Variants in ZNF775 observed in about 807,000 individuals in gnomAD.
ZNF775 encodes the protein zinc finger protein 775.
In ZNF775, 1 loss-of-function variant was observed where a neutral mutation model predicts 2.4. The observed-to-expected ratio is 0.41, with a 90% CI of 0.15 to 1.94. ZNF775 has a LOEUF of 1.94. ZNF775 is among the 30% of genes most tolerant of loss of function. ZNF775 has a pLI of 0.30. For synonymous variants in ZNF775, 381 were observed against 373.3 expected (o/e 1.02, Z -0.24); for missense variants, 823 against 826.6 (o/e 1.00, Z 0.05).
At chr7:150,390,528 G>T (rs1303460097) in intron 2 of ZNF775, among the ~76,000 whole-genome samples, 3 of 152,128 alleles carry the variant, frequency 2.0e-5, no homozygotes, top group African/African-American at 4.8e-5. Flanking sequence ...GAGACATATG[G>T]TTTAATTTTT....
intron 1 of ZNF775, among the ~76,000 whole-genome samples, chr7:150,385,391 TC>T (rs781427256): frequency 6.6e-6 from 1 of 151,742 alleles, no homozygotes; most frequent in Admixed American, 6.6e-5. Context: ...CCATGGACAA[TC>T]CCCCGAGCAA....
intron 2 of ZNF775, among the ~76,000 whole-genome samples, chr7:150,395,989 G>C (rs990197526): frequency 7.9e-5 from 12 of 152,048 alleles, no homozygotes; most frequent in Non-Finnish European, 1.6e-4. Context: ...CAGTGACCCA[G>C]GGGTTGGTCT....
intron 1 of ZNF775, among the ~76,000 whole-genome samples, 151 bp downstream of exon 1, chr7:150,379,543 G>A (rs1295742221): frequency 2.0e-5 from 3 of 151,308 alleles, no homozygotes; most frequent in African/African-American, 7.4e-5. Flanking sequence ...GGGGGCCTGG[G>A]GTGCCCCGAG....
chr7:150,397,288 C>T lies in ZNF775; in HGVS notation c.807C>T (p.Val269=). The change falls in exon 3 of 3, where the codon GTC becomes GTT. Residue 269 remains valine (V), a synonymous_variant. Transcript: ENST00000329630. ...GCCAGCCCGGGGCCCGGGCCGCGGTCTCCGGCCCCGAGGGGCCGGGCGAGC... is the reference window on the plus strand; with the variant it reads ...GCCAGCCCGGGGCCCGGGCCGCGGTTTCCGGCCCCGAGGGGCCGGGCGAGC... ...WWGQPGARAA[V]SGPEGPGEPR... is the part of the protein sequence containing the mutation. 1.3e-6 allele frequency: 2 copies of T among 1,532,194 alleles called. No homozygotes were observed. Among genetic ancestry groups the T allele is most frequent in the Non-Finnish European group, 1.7e-6 (2 of 1,144,304 alleles). The allele number at this position is 1,532,194 out of a possible 1,614,324, so 94.9% of individuals were successfully genotyped here.
At position 150,396,671 on chromosome 7, in the gene ZNF775, G is replaced by A; in HGVS notation, c.190G>A (p.Gly64Arg). 1 of 1,609,912 alleles carries A rather than the reference G, an allele frequency of 6.2e-7. No individual in the cohort carries two copies. Among genetic ancestry groups the A allele is most frequent in the Non-Finnish European group, 8.5e-7 (1 of 1,178,930 alleles). Residue 64 changes from glycine (G) to arginine (R), a missense_variant, in exon 3 of 3, where the codon GGG (glycine) becomes AGG (arginine). Transcript: ENST00000329630. ...RQTMGRPRAL[G>R]GQEESGSPRW... Reference sequence around the variant, plus strand: ...GACCATGGGGCGGCCTCGAGCCCTGGGGGGACAGGAGGAGTCTGGGAGTCC... The same window carrying A: ...GACCATGGGGCGGCCTCGAGCCCTGAGGGGACAGGAGGAGTCTGGGAGTCC...
intron 2 of ZNF775, among the ~76,000 whole-genome samples, chr7:150,390,064 G>T (rs563868128): frequency 6.6e-6 from 1 of 152,202 alleles, no homozygotes; most frequent in South Asian, 2.1e-4. Flanking sequence ...TACTCATGGA[G>T]CAATAATCTG....
chr7:150,383,564 A>T (rs986831760), intron 1 of ZNF775, among the ~76,000 whole-genome samples: 1 of 152,150 alleles, frequency 6.6e-6, no homozygotes. Flanking sequence ...AAGGGGCAGC[A>T]TGGCAGGGAG....
intron 2 of ZNF775, among the ~76,000 whole-genome samples, chr7:150,391,604 A>G (rs1487130493): frequency 6.6e-6 from 1 of 152,054 alleles, no homozygotes; most frequent in Non-Finnish European, 1.5e-5. Context: ...GTGCTCAGTA[A>G]CCACATGTGT....
Position 150,396,999 on chromosome 7 carries a change from G to C in ZNF775, c.518G>C (p.Ser173Thr), listed in dbSNP as rs1398464660. 1 of 1,598,990 alleles carries C rather than the reference G, an allele frequency of 6.3e-7. No homozygotes were observed. The highest frequency in any genetic ancestry group is 8.5e-7 in the Non-Finnish European group (1 of 1,178,906). ...TGCCCCGAGTGCGCGCGGCGCTTCAGCCAGAAGCAGCACCTGCTCAAGCAC... is the reference window on the plus strand; with the variant it reads ...TGCCCCGAGTGCGCGCGGCGCTTCACCCAGAAGCAGCACCTGCTCAAGCAC... ...FCCPECARRF[S>T]QKQHLLKHQK... The change falls in exon 3 of 3, where the codon AGC becomes ACC. Residue 173 changes from serine (S) to threonine (T), a missense_variant. Transcript: ENST00000329630.
Position 150,382,226 on chromosome 7 carries a change from A to G in ZNF775, c.-50+2834A>G, listed in dbSNP as rs1182320654. Among the ~76,000 whole-genome samples the G allele has an allele frequency of 1.3e-5, 2 of 152,078 alleles. No individual in the cohort carries two copies. The highest frequency in any genetic ancestry group is 2.9e-5 in the Non-Finnish European group (2 of 67,984). On this transcript the variant is annotated intron_variant, in intron 1 of 2. Transcript: ENST00000329630. The surrounding 1 kb of genome is among the most constrained non-coding windows in gnomAD (Gnocchi z 4.6). ...GATTCCCAACTGGCTGGAAGGAGTG[A>G]TGGCTTAGGAGGAGTGAGTGGCAGC...
chr7:150,390,367 C>T (rs1800542071), intron 2 of ZNF775, among the ~76,000 whole-genome samples: 2 of 152,148 alleles, frequency 1.3e-5, no homozygotes, highest in African/African-American at 4.8e-5. Context: ...ACAGCACTGT[C>T]CTGGCATCCT....
chr7:150,393,829 C>T (rs750729775), intron 2 of ZNF775, among the ~76,000 whole-genome samples: 2 of 152,104 alleles, frequency 1.3e-5, no homozygotes, highest in Non-Finnish European at 2.9e-5. Context: ...CCATCACACC[C>T]AGCTAATTTT....
At position 150,396,675 on chromosome 7, in the gene ZNF775, G is replaced by A. The variant is rs1800661318; in HGVS notation, c.194G>A (p.Gly65Glu). ...ATGGGGCGGCCTCGAGCCCTGGGGGGACAGGAGGAGTCTGGGAGTCCAAGG... is the reference window on the plus strand; with the variant it reads ...ATGGGGCGGCCTCGAGCCCTGGGGGAACAGGAGGAGTCTGGGAGTCCAAGG... ...QTMGRPRALG[G>E]QEESGSPRWA... The change falls in exon 3 of 3, where the codon GGA becomes GAA. Residue 65 changes from glycine to glutamate, a missense_variant. Coordinates refer to ENST00000329630, the MANE Select transcript of ZNF775 (RefSeq NM_173680.4). The A allele has an allele frequency of 1.9e-6, 3 of 1,609,284 alleles. No homozygotes were observed. Among genetic ancestry groups the A allele is most frequent in the East Asian group, 4.5e-5 (2 of 44,762 alleles).
intron 1 of ZNF775, among the ~76,000 whole-genome samples, chr7:150,387,732 C>A (rs747047950): frequency 9.9e-5 from 15 of 152,002 alleles, no homozygotes; most frequent in African/African-American, 3.4e-4. Context: ...ATGGCGTGAA[C>A]CTGGGAGGCG....
At position 150,382,037 on chromosome 7, in the gene ZNF775, G is replaced by A. The variant is rs143810616; in HGVS notation, c.-50+2645G>A. Among the ~76,000 whole-genome samples the A allele has an allele frequency of 1.9e-3, 285 of 152,142 alleles. 4 individuals are homozygous for A. The highest frequency in any genetic ancestry group is 6.2e-3 in the African/African-American group (258 of 41,480). Reference sequence around the variant, plus strand: ...GGATGGAGGCCTCCAGGTGGGGGAGGGGATGCCCACCTGGTTTGGGCTGGG... The same window carrying A: ...GGATGGAGGCCTCCAGGTGGGGGAGAGGATGCCCACCTGGTTTGGGCTGGG... On this transcript the variant is annotated intron_variant, in intron 1 of 2. Coordinates refer to ENST00000329630, the MANE Select transcript of ZNF775 (RefSeq NM_173680.4). The surrounding 1 kb of genome is among the most constrained non-coding windows in gnomAD (Gnocchi z 4.6).
Position 150,396,744 on chromosome 7 carries a change from C to A in ZNF775, c.263C>A (p.Ala88Asp). The A allele has an allele frequency of 6.3e-7, 1 of 1,589,102 alleles. No individual in the cohort carries two copies. Among genetic ancestry groups the A allele is most frequent in the Non-Finnish European group, 8.6e-7 (1 of 1,168,324 alleles). Residue 88 changes from alanine to aspartate, a missense_variant, in exon 3 of 3, where the codon GCT becomes GAT. By Grantham distance (126) the Ala-to-Asp change is moderately radical (BLOSUM62 -2). Transcript: ENST00000329630. The stretch of plus-strand genomic sequence containing the variant: ...CAGGATGCGGGGCTGGCAGGCCGGG[C>A]TCCCGGGTCAGCCTCCGGCCCCCTG... ...TEQDAGLAGR[A>D]PGSASGPLSP...
intron 2 of ZNF775, among the ~76,000 whole-genome samples, chr7:150,394,837 C>T (rs1800622053): frequency 6.6e-6 from 1 of 152,168 alleles, no homozygotes; most frequent in South Asian, 2.1e-4. Context: ...GGGAAAATCT[C>T]AGCAAGGTTA....
intron 2 of ZNF775, among the ~76,000 whole-genome samples, chr7:150,393,724 A>G (rs1377145020): frequency 1.3e-5 from 2 of 152,148 alleles, no homozygotes; most frequent in Admixed American, 1.3e-4. Context: ...GCTGGAGAGC[A>G]ATGGTGTGAT....
At chr7:150,383,880 A>T (rs1205522410) in intron 1 of ZNF775, 1 of 152,488 alleles carries the variant, frequency 6.6e-6, no homozygotes, top group Non-Finnish European at 1.5e-5. Flanking sequence ...GGGAGGTTCC[A>T]GGGGCGGCGA....
Sources: allele counts gnomAD v4.1 joint callset (sites outside exome capture counted in the v4.1 genomes callset), GRCh38; gene constraint gnomAD v4.1.1; non-coding constraint Gnocchi (gnomAD v3.1); transcripts MANE v1.5; gene names NCBI Gene and HGNC (gene_info 2026-07-23, HGNC 2026-07-21).